ANO10: variants seen among roughly 807,000 people sequenced by gnomAD.
ANO10 encodes anoctamin 10.
ANO10 carries 77 observed loss-of-function variants against 74.7 expected under a neutral mutation model. The ratio of observed to expected loss-of-function variants is 1.03; its 90% CI spans 0.86 to 1.25. The LOEUF (loss-of-function observed/expected upper bound fraction) is 1.25, where lower values mean the gene tolerates loss of function less well. ANO10 is among the 50% of genes most tolerant of loss of function. The pLI is 0.00. For synonymous variants in ANO10, 279 were observed against 284.9 expected (o/e 0.98, Z 0.21); for missense variants, 721 against 778.1 (o/e 0.93, Z 0.87).
intron 11 of ANO10, among the ~76,000 whole-genome samples, chr3:43,490,634 C>T (rs2076682379): frequency 6.6e-6 from 1 of 152,222 alleles, no homozygotes; most frequent in Non-Finnish European, 1.5e-5. Flanking sequence ...AGCCGGAACA[C>T]ACTTAATACC....
Position 43,406,852 on chromosome 3 carries a change from A to C in ANO10, c.1914+25759T>G, listed in dbSNP as rs147457402. Reference sequence around the variant, plus strand: ...TATGACTATCAACTGAACACCTGAGAAAGTCACTAGGTTATTCCACCTGCA... The same window carrying C: ...TATGACTATCAACTGAACACCTGAGCAAGTCACTAGGTTATTCCACCTGCA... On this transcript the variant is annotated intron_variant, in intron 12 of 12. Coordinates refer to ENST00000292246, the MANE Select transcript of ANO10 (RefSeq NM_018075.5). Among the ~76,000 whole-genome samples, 893 of 152,266 alleles carry C rather than the reference A, an allele frequency of 5.9e-3. 10 individuals are homozygous for C. Among genetic ancestry groups the C allele is most frequent in the African/African-American group, 0.02 (842 of 41,532 alleles).
intron 7 of ANO10, among the ~76,000 whole-genome samples, chr3:43,570,131 G>A (rs2080618919): frequency 1.4e-5 from 2 of 143,642 alleles, no homozygotes; most frequent in South Asian, 4.7e-4. Context: ...TACAAGGGAT[G>A]TGAAGGACCT....
intron 1 of ANO10, among the ~76,000 whole-genome samples, chr3:43,617,727 A>T (rs1467507596): frequency 6.6e-6 from 1 of 152,142 alleles, no homozygotes; most frequent in Non-Finnish European, 1.5e-5. Context: ...GAATTTGGGT[A>T]AAGAAAAAAA....
At chr3:43,556,694 C>G (rs775060774) in intron 9 of ANO10, among the ~76,000 whole-genome samples, 1 of 152,086 alleles carries the variant, frequency 6.6e-6, no homozygotes, top group Non-Finnish European at 1.5e-5. Context: ...TTTTGTTGGA[C>G]CATGCTATCA....
At chr3:43,641,950 C>T (rs2083674635) in intron 1 of ANO10, among the ~76,000 whole-genome samples, 2 of 152,208 alleles carry the variant, frequency 1.3e-5, no homozygotes, top group South Asian at 2.1e-4. Flanking sequence ...CACAGATACA[C>T]ACACACAGCT....
intron 7 of ANO10, among the ~76,000 whole-genome samples, chr3:43,574,418 G>T (rs1208249088): frequency 6.6e-6 from 1 of 151,782 alleles, no homozygotes; most frequent in African/African-American, 2.4e-5. Flanking sequence ...TTACAGGCCT[G>T]CGTCATCATA....
intron 11 of ANO10, among the ~76,000 whole-genome samples, chr3:43,463,907 G>A (rs868248297): frequency 3.9e-5 from 6 of 152,130 alleles, no homozygotes; most frequent in East Asian, 1.9e-4. Flanking sequence ...GGAGGGACCC[G>A]GTGGGAGGTA....
At chr3:43,531,413 A>T (rs181377374) in intron 11 of ANO10, among the ~76,000 whole-genome samples, 1 of 152,310 alleles carries the variant, frequency 6.6e-6, no homozygotes, top group Admixed American at 6.5e-5. Context: ...GATTCTCATG[A>T]CTCAGATAAA....
At chr3:43,612,184 A>ATATATT (rs2082867285) in intron 1 of ANO10, among the ~76,000 whole-genome samples, 1 of 112,070 alleles carries the variant, frequency 8.9e-6, no homozygotes, top group Non-Finnish European at 1.8e-5. Context: ...ATATATATAT[A>ATATATT]TGCCCAAGAA....
At chr3:43,426,560 C>CTTCTG (rs2092902959) in intron 12 of ANO10, among the ~76,000 whole-genome samples, 3 of 152,016 alleles carry the variant, frequency 2.0e-5, no homozygotes, top group African/African-American at 7.3e-5. Context: ...TCCCTGGCTT[C>CTTCTG]TGTGTGTTCT....
intron 11 of ANO10, among the ~76,000 whole-genome samples, chr3:43,460,218 G>C (rs1439439689): frequency 6.6e-6 from 1 of 152,184 alleles, no homozygotes; most frequent in African/African-American, 2.4e-5. Context: ...ATGGAGGCAG[G>C]CTTTGGCTAT....
intron 12 of ANO10, among the ~76,000 whole-genome samples, chr3:43,368,900 G>A (rs1320924683): frequency 2.0e-5 from 3 of 152,142 alleles, no homozygotes; most frequent in Non-Finnish European, 4.4e-5. Context: ...AGCTTGTCAC[G>A]GAATCTTGCA....
At chr3:43,385,947 A>C (rs1174490630) in intron 12 of ANO10, among the ~76,000 whole-genome samples, 1 of 152,248 alleles carries the variant, frequency 6.6e-6, no homozygotes, top group Non-Finnish European at 1.5e-5. Flanking sequence ...GTTCTAAAAC[A>C]AACAATACAA....
chr3:43,440,033 T>A (rs2093136382), intron 11 of ANO10, among the ~76,000 whole-genome samples: 4 of 151,542 alleles, frequency 2.6e-5, no homozygotes, highest in Admixed American at 2.6e-4. Context: ...AGAAAATACC[T>A]GTAAAAAAAC....
At chr3:43,508,794 T>A (rs1453096991) in intron 11 of ANO10, among the ~76,000 whole-genome samples, 1 of 127,004 alleles carries the variant, frequency 7.9e-6, no homozygotes, top group Non-Finnish European at 1.6e-5. Flanking sequence ...GGGCCTGTTG[T>A]GGGGTAGGGG....
intron 1 of ANO10, among the ~76,000 whole-genome samples, chr3:43,662,508 G>A (rs981019609): frequency 2.0e-5 from 3 of 151,950 alleles, no homozygotes; most frequent in Non-Finnish European, 2.9e-5. Flanking sequence ...TACTAGAGAA[G>A]AAAGAGCAAA....
intron 12 of ANO10, among the ~76,000 whole-genome samples, chr3:43,394,671 T>C (rs374520024): frequency 6.6e-6 from 1 of 152,194 alleles, no homozygotes; most frequent in Non-Finnish European, 1.5e-5. Flanking sequence ...CTAAGCAGCC[T>C]ATCTTGGCAC....
intron 4 of ANO10, among the ~76,000 whole-genome samples, chr3:43,594,109 A>C (rs958732552): frequency 6.6e-6 from 1 of 152,232 alleles, no homozygotes; most frequent in African/African-American, 2.4e-5. Context: ...AGATTCATAA[A>C]GCAAATCCTT....
chr3:43,377,803 T>C (rs897638660), intron 12 of ANO10, among the ~76,000 whole-genome samples: 3 of 152,182 alleles, frequency 2.0e-5, no homozygotes, highest in African/African-American at 7.2e-5. Flanking sequence ...GATCCAGGAA[T>C]TGAAGCCTTG....
Sources: gnomAD v4.1 joint callset for allele counts (sites outside exome capture counted in the v4.1 genomes callset) on GRCh38, gnomAD v4.1.1 for gene constraint, MANE v1.5 for transcripts, NCBI Gene and HGNC (gene_info 2026-07-23, HGNC 2026-07-21) for gene names.